The following ARHGAP32 variants were observed in gnomAD, a reference collection of about 807,000 sequenced individuals.
ARHGAP32 encodes Rho GTPase activating protein 32, also known as rho GTPase-activating protein 32.
In ARHGAP32, 51 loss-of-function variants were observed where a neutral mutation model predicts 186.5. The ratio of observed to expected loss-of-function variants is 0.27; its 90% CI spans 0.22 to 0.35. ARHGAP32 has a LOEUF of 0.35. Ranked by LOEUF, ARHGAP32 falls within the 10% of genes least tolerant of loss-of-function variation. The pLI is 1.00. For synonymous variants in ARHGAP32, 950 were observed against 964.3 expected (o/e 0.99, Z 0.27); for missense variants, 2,186 against 2,623.5 (o/e 0.83, Z 3.64).
chr11:128,988,758 T>C (rs1386339535), intron 12 of ARHGAP32, among the ~76,000 whole-genome samples: 1 of 152,232 alleles, frequency 6.6e-6, no homozygotes, highest in Non-Finnish European at 1.5e-5. Context: ...GACTTTATAT[T>C]ATCAGCTTGT....
intron 5 of ARHGAP32, 117 bp from the exon 6 acceptor site, chr11:129,093,824 A>T (rs555940644): frequency 2.9e-6 from 2 of 693,990 alleles, no homozygotes; most frequent in South Asian, 3.5e-5. Context: ...GCTTAATGTG[A>T]GACATATCTT....
chr11:129,235,456 A>G (rs1435917302), intron 1 of ARHGAP32, among the ~76,000 whole-genome samples: 1 of 152,210 alleles, frequency 6.6e-6, no homozygotes, highest in Non-Finnish European at 1.5e-5. Context: ...CTGTAGCAAA[A>G]GTAAGTTTGC....
At position 129,177,261 on chromosome 11, in the gene ARHGAP32, C is replaced by A. The variant is rs1432782805; in HGVS notation, c.117-12834G>T. 3.9e-5 allele frequency among the ~76,000 whole-genome samples: 6 copies of A among 152,054 alleles called. No homozygotes were observed. In the East Asian group the frequency reaches 1.2e-3, roughly 29 times the overall value. ...GGAAGAAGTTGAATCTCTGAATAGACCAATAACAGGAGCTGAAATTGTGGC... is the reference window on the plus strand; with the variant it reads ...GGAAGAAGTTGAATCTCTGAATAGAACAATAACAGGAGCTGAAATTGTGGC... On this transcript the variant is annotated intron_variant, in intron 1 of 22. Coordinates refer to ENST00000682385, the MANE Select transcript of ARHGAP32 (RefSeq NM_001378024.1).
chr11:129,125,553 C>A (rs1942640335), intron 2 of ARHGAP32, among the ~76,000 whole-genome samples: 1 of 151,880 alleles, frequency 6.6e-6, no homozygotes, highest in Non-Finnish European at 1.5e-5. Context: ...TTATGATAGC[C>A]CATGCCACAT....
chr11:128,969,105 C>T lies in ARHGAP32; in HGVS notation c.6108G>A (p.Gln2036=). The T allele has an allele frequency of 1.2e-6, 2 of 1,605,322 alleles. No individual in the cohort carries two copies. The highest frequency in any genetic ancestry group is 1.7e-6 in the Non-Finnish European group (2 of 1,174,006). Reference sequence around the variant, plus strand: ...AGTGGTAATCTTCCAGGTTATCATACTGGGACACAACAGTCACACTGCTCT... The same window carrying T: ...AGTGGTAATCTTCCAGGTTATCATATTGGGACACAACAGTCACACTGCTCT... The part of the protein sequence containing the change: ...KRQSSVTVVS[Q]YDNLEDYHSL... Residue 2036 remains glutamine (Q), a synonymous_variant, in exon 23 of 23, where the codon CAG becomes CAA. Coordinates refer to ENST00000682385, the MANE Select transcript of ARHGAP32 (RefSeq NM_001378024.1). The surrounding 1 kb of genome is among the most constrained non-coding windows in gnomAD (Gnocchi z 4.8).
At chr11:129,265,628 T>C (rs1360211297) in intron 1 of ARHGAP32, among the ~76,000 whole-genome samples, 1 of 152,148 alleles carries the variant, frequency 6.6e-6, no homozygotes, top group Non-Finnish European at 1.5e-5. Context: ...TTCCCTTCTA[T>C]GATAGTACTA....
chr11:128,989,516 TCACACA>T (rs56090706), intron 12 of ARHGAP32, among the ~76,000 whole-genome samples: 70 of 139,032 alleles, frequency 5.0e-4, no homozygotes, highest in Middle Eastern at 3.6e-3. Flanking sequence ...GTTTTTTATT[TCACACA>T]CACACACACA....
intron 1 of ARHGAP32, among the ~76,000 whole-genome samples, chr11:129,218,816 G>A (rs926976538): frequency 6.6e-6 from 1 of 152,174 alleles, no homozygotes; most frequent in Admixed American, 6.6e-5. Context: ...ACACAAGGTG[G>A]ATACTGCAGG....
At chr11:129,053,660 A>G (rs1245491702) in intron 10 of ARHGAP32, among the ~76,000 whole-genome samples, 1 of 152,208 alleles carries the variant, frequency 6.6e-6, no homozygotes, top group Non-Finnish European at 1.5e-5. Context: ...AAATGAGATC[A>G]TTATAGTACC....
intron 10 of ARHGAP32, among the ~76,000 whole-genome samples, chr11:129,049,191 A>G (rs1939937229): frequency 6.6e-6 from 1 of 152,208 alleles, no homozygotes; most frequent in African/African-American, 2.4e-5. Context: ...GAAGCAGTAC[A>G]CCACTTCAGG....
intron 11 of ARHGAP32, among the ~76,000 whole-genome samples, chr11:129,040,208 C>A (rs1326588177): frequency 6.6e-6 from 1 of 151,646 alleles, no homozygotes; most frequent in Non-Finnish European, 1.5e-5. Flanking sequence ...ATTCTGAGGC[C>A]CAGAAATTTT....
Position 128,974,201 on chromosome 11 carries a change from A to G in ARHGAP32, c.2996T>C (p.Val999Ala), listed in dbSNP as rs1166975479. 6.2e-7 allele frequency: 1 copy of G among 1,614,166 alleles called. No individual in the cohort carries two copies. The highest frequency in any genetic ancestry group is 1.7e-5 in the Admixed American group (1 of 60,018). The change falls in exon 21 of 23, where the codon GTA (valine) becomes GCA (alanine). Residue 999 changes from valine (V) to alanine (A), a missense_variant. Physicochemically the swap from Val to Ala is moderately conservative, Grantham distance 64. Coordinates refer to ENST00000682385, the MANE Select transcript of ARHGAP32 (RefSeq NM_001378024.1). ...CTGATCCTCTTTCCCTGGCAATTCT[A>G]CTTCTTCAGCAGCCACCTGGTCCAG... ...QPLDQVAAEE[V>A]ELPGKEDQSV...
chr11:129,115,224 AAAT>A (rs1378611485), intron 5 of ARHGAP32, among the ~76,000 whole-genome samples: 20 of 152,136 alleles, frequency 1.3e-4, no homozygotes, highest in African/African-American at 4.8e-4. Flanking sequence ...TTGACACTGA[AAAT>A]ACTACTTTAA....
At chr11:129,187,276 C>T (rs2135546010) in intron 1 of ARHGAP32, among the ~76,000 whole-genome samples, 1 of 152,042 alleles carries the variant, frequency 6.6e-6, no homozygotes, top group South Asian at 2.1e-4. Context: ...GAAAGACAAA[C>T]ATCACATGTT....
At chr11:129,169,490 G>GCAC (rs1298302357) in intron 1 of ARHGAP32, among the ~76,000 whole-genome samples, 1 of 151,926 alleles carries the variant, frequency 6.6e-6, no homozygotes, top group African/African-American at 2.4e-5. Context: ...AATTAGCTGG[G>GCAC]CGTGGTGGCG....
At chr11:129,096,113 T>C (rs1428888819) in intron 5 of ARHGAP32, among the ~76,000 whole-genome samples, 1 of 152,174 alleles carries the variant, frequency 6.6e-6, no homozygotes, top group Non-Finnish European at 1.5e-5. Flanking sequence ...GTTTCTTATA[T>C]ATTTCACATT....
intron 5 of ARHGAP32, among the ~76,000 whole-genome samples, chr11:129,101,422 C>T (rs995416952): frequency 6.6e-6 from 1 of 152,110 alleles, no homozygotes; most frequent in African/African-American, 2.4e-5. Flanking sequence ...TACAGGAGTA[C>T]ACTAAAACCC....
intron 6 of ARHGAP32, among the ~76,000 whole-genome samples, chr11:129,085,976 A>G (rs1941376379): frequency 6.6e-6 from 1 of 151,564 alleles, no homozygotes; most frequent in South Asian, 2.1e-4. Flanking sequence ...CCTGGGCAAC[A>G]GAGCAAGACT....
At chr11:129,171,922 C>G (rs896798970) in intron 1 of ARHGAP32, among the ~76,000 whole-genome samples, 3 of 151,996 alleles carry the variant, frequency 2.0e-5, no homozygotes, top group African/African-American at 7.2e-5. Context: ...ATTTTATTCT[C>G]TTTGTAGCAA....
Sources: gnomAD v4.1 joint callset for allele counts (sites outside exome capture counted in the v4.1 genomes callset) on GRCh38, gnomAD v4.1.1 for gene constraint, Gnocchi (gnomAD v3.1) non-coding constraint, MANE v1.5 for transcripts, NCBI Gene and HGNC (gene_info 2026-07-23, HGNC 2026-07-21) for gene names.